ILRUN: variants seen among roughly 807,000 people sequenced by gnomAD.
ILRUN encodes inflammation and lipid regulator with UBA-like and NBR1-like domains.
Under a neutral mutation model 33.8 loss-of-function variants are expected in ILRUN, and 3 were observed. The ratio of observed to expected loss-of-function variants is 0.09; its 90% CI spans 0.04 to 0.23. The LOEUF is 0.23. ILRUN is among the 10% of genes least tolerant of loss of function. The probability of loss-of-function intolerance (pLI) is 1.00; values close to 1 mark genes in which losing one functional copy is unlikely to be tolerated. For synonymous variants in ILRUN, 124 were observed against 138.9 expected (o/e 0.89, Z 0.75); for missense variants, 210 against 375.1 (o/e 0.56, Z 3.64).
At chr6:34,683,499 C>CATATATATATACAT (rs1581555623) in intron 1 of ILRUN, among the ~76,000 whole-genome samples, 2 of 84,530 alleles carry the variant, frequency 2.4e-5, no homozygotes, top group East Asian at 8.9e-4. Flanking sequence ...TATATATATA[C>CATATATATATACAT]ATATATATAT....
intron 2 of ILRUN, among the ~76,000 whole-genome samples, chr6:34,650,449 TTATG>T (rs201640684): frequency 7.5e-6 from 1 of 133,226 alleles, no homozygotes; most frequent in African/African-American, 2.8e-5. Context: ...ATTTATTTAT[TTATG>T]AGTCGGAGTC....
chr6:34,683,189 T>C (rs187938294), intron 1 of ILRUN, among the ~76,000 whole-genome samples: 9 of 151,566 alleles, frequency 5.9e-5, no homozygotes, highest in Non-Finnish European at 1.2e-4. Flanking sequence ...TATATGTGTA[T>C]GTGTATATAT....
At chr6:34,644,487 A>G (rs1327834369) in intron 3 of ILRUN, among the ~76,000 whole-genome samples, 1 of 152,186 alleles carries the variant, frequency 6.6e-6, no homozygotes, top group Non-Finnish European at 1.5e-5. Context: ...AATATAAAGG[A>G]GCTCAGCAGT....
At chr6:34,672,911 C>A (rs1216420744) in intron 1 of ILRUN, among the ~76,000 whole-genome samples, 1 of 152,060 alleles carries the variant, frequency 6.6e-6, no homozygotes, top group Non-Finnish European at 1.5e-5. Flanking sequence ...AAAATGAATG[C>A]TGAAATGCAT....
chr6:34,655,715 G>C (rs1183305888), intron 1 of ILRUN, among the ~76,000 whole-genome samples: 1 of 152,130 alleles, frequency 6.6e-6, no homozygotes, highest in Non-Finnish European at 1.5e-5. Flanking sequence ...CCTATTAAGT[G>C]ATACTGCTGT....
intron 3 of ILRUN, among the ~76,000 whole-genome samples, chr6:34,620,590 G>A (rs562764265): frequency 7.2e-5 from 11 of 152,146 alleles, no homozygotes; most frequent in Non-Finnish European, 1.2e-4. Flanking sequence ...GTAGCCTCCA[G>A]CCTCCCAGGA....
chr6:34,620,190 G>A (rs13209544), intron 3 of ILRUN, among the ~76,000 whole-genome samples: 23,928 of 151,872 alleles, frequency 0.16, 2,512 homozygotes, highest in African/African-American at 0.29. Context: ...AATATATTAC[G>A]TAAATAAGTT....
intron 1 of ILRUN, among the ~76,000 whole-genome samples, chr6:34,670,252 G>A (rs932374067): frequency 2.0e-5 from 3 of 152,148 alleles, no homozygotes; most frequent in African/African-American, 7.2e-5. Context: ...ATTAGTGGTT[G>A]CCCAAGGCTG....
intron 1 of ILRUN, among the ~76,000 whole-genome samples, chr6:34,669,827 T>TC (rs966812067): frequency 1.3e-4 from 20 of 151,986 alleles, no homozygotes; most frequent in African/African-American, 4.6e-4. Context: ...CAAATGAACA[T>TC]CATAAACACT....
intron 1 of ILRUN, among the ~76,000 whole-genome samples, chr6:34,665,947 C>T (rs1762988302): frequency 6.8e-6 from 1 of 146,242 alleles, no homozygotes; most frequent in African/African-American, 2.5e-5. Context: ...TTCATCTATG[C>T]TTAAAAAAAA....
chr6:34,633,871 TGGAGGGAGAGAGGGAG>T (rs1214905368), intron 3 of ILRUN, among the ~76,000 whole-genome samples: 4 of 58,602 alleles, frequency 6.8e-5, no homozygotes, highest in Non-Finnish European at 1.2e-4. Context: ...GAGGGAGACA[TGGAGGGAGAGAGGGAG>T]GGAGGGAGGG....
At chr6:34,624,625 T>C (rs1762078420) in intron 3 of ILRUN, among the ~76,000 whole-genome samples, 1 of 152,184 alleles carries the variant, frequency 6.6e-6, no homozygotes, top group African/African-American at 2.4e-5. Context: ...TGAGCCACCA[T>C]GCCCAGCCAC....
At chr6:34,674,316 C>T (rs770043102) in intron 1 of ILRUN, among the ~76,000 whole-genome samples, 5 of 152,140 alleles carry the variant, frequency 3.3e-5, no homozygotes, top group Non-Finnish European at 5.9e-5. Flanking sequence ...CGTGAGCCAC[C>T]GCGCCCGGCC....
In ILRUN at chr6:34,595,321, G is replaced by A. The variant is rs143359497; in HGVS notation, c.862-4721C>T. On this transcript the variant is annotated intron_variant, in intron 4 of 4. Transcript: ENST00000374023. ...GTCAAAATAACCTTTCCAAAAAGGA[G>A]TACTAAAAAACTGTCACTGATAGAA... is the stretch of plus-strand genomic sequence containing the variant. Among the ~76,000 whole-genome samples, 610 of 152,300 alleles carry A rather than the reference G, an allele frequency of 4.0e-3. 1 individual carries two copies. Among genetic ancestry groups the A allele is most frequent in the Middle Eastern group, 0.014 (4 of 294 alleles).
chr6:34,618,400 C>T (rs1331326033), intron 3 of ILRUN, among the ~76,000 whole-genome samples: 2 of 152,180 alleles, frequency 1.3e-5, no homozygotes, highest in Non-Finnish European at 2.9e-5. Flanking sequence ...TGCTAAACTG[C>T]CCTTGCTTCA....
chr6:34,591,711 G>A (rs562299587), intron 4 of ILRUN, among the ~76,000 whole-genome samples: 9 of 152,106 alleles, frequency 5.9e-5, no homozygotes, highest in African/African-American at 2.2e-4. Context: ...GGATGGTCTC[G>A]ATCTCCTGAC....
chr6:34,648,070 T>C lies in ILRUN; in HGVS notation c.314-1272A>G, dbSNP rs1762594519. On this transcript the variant is annotated intron_variant, in intron 2 of 4. Transcript: ENST00000374023. The stretch of plus-strand genomic sequence containing the variant: ...TATCTATGTGTTGACTAGTTCCCAC[T>C]AGTCAAGCGGTATAGGTAGCCACAC... Among the ~76,000 whole-genome samples the C allele has an allele frequency of 2.6e-5, 4 of 152,234 alleles. No homozygotes were observed. In the South Asian group the frequency reaches 8.3e-4, roughly 31 times the overall value.
intron 1 of ILRUN, among the ~76,000 whole-genome samples, chr6:34,673,868 CAG>C (rs748211944): frequency 6.8e-6 from 1 of 147,092 alleles, no homozygotes; most frequent in African/African-American, 2.6e-5. Context: ...CGCTGGGTGA[CAG>C]AGAGATCCTG....
chr6:34,639,788 C>A (rs1156718338), intron 3 of ILRUN, among the ~76,000 whole-genome samples: 1 of 152,154 alleles, frequency 6.6e-6, no homozygotes, highest in African/African-American at 2.4e-5. Context: ...AATAAAATTA[C>A]TTTTGTTAAT....
Sources: gnomAD v4.1 joint callset for allele counts (sites outside exome capture counted in the v4.1 genomes callset) on GRCh38, gnomAD v4.1.1 for gene constraint, MANE v1.5 for transcripts, NCBI Gene and HGNC (gene_info 2026-07-23, HGNC 2026-07-21) for gene names.